DPP4: variants seen among roughly 807,000 people sequenced by gnomAD.
DPP4 encodes the protein dipeptidyl peptidase 4.
Under a neutral mutation model 122.4 loss-of-function variants are expected in DPP4, and 93 were observed. The ratio of observed to expected loss-of-function variants is 0.76; its 90% CI spans 0.64 to 0.90. The LOEUF is 0.90. Ranked by LOEUF, DPP4 falls within the 40% of genes least tolerant of loss-of-function variation. The probability of loss-of-function intolerance (pLI) is 0.00; values close to 1 mark genes in which losing one functional copy is unlikely to be tolerated. For synonymous variants in DPP4, 321 were observed against 302.9 expected (o/e 1.06, Z -0.62); for missense variants, 914 against 907.3 (o/e 1.01, Z -0.09).
In DPP4 at chr2:162,045,565, C is replaced by A. The variant is rs767978197; in HGVS notation, c.333G>T (p.Gly111=). 6.2e-6 allele frequency: 10 copies of A among 1,612,426 alleles called. No homozygotes were observed. The East Asian group carries it at 1.1e-4, about 18-fold the overall frequency. ...AGTTGTATTCTAAGAGAATAAACTG[C>A]CCATCAGGAGATATTGAATAATCAT... ...SINDYSISPD[G]QFILLEYNYV... Residue 111 remains glycine, a synonymous_variant, in exon 5 of 26, where the codon GGG becomes GGT. Coordinates refer to ENST00000360534, the MANE Select transcript of DPP4 (RefSeq NM_001935.4).
At chr2:162,072,799 A>C (rs1279543259) in intron 2 of DPP4, among the ~76,000 whole-genome samples, 1 of 152,206 alleles carries the variant, frequency 6.6e-6, no homozygotes, top group African/African-American at 2.4e-5. Context: ...GACCCTTCTT[A>C]AATATTATCG....
chr2:161,995,497 G>T (rs1485360810), intron 23 of DPP4, 125 bp from the exon 24 acceptor site: 2 of 771,942 alleles, frequency 2.6e-6, no homozygotes, highest in Non-Finnish European at 2.2e-6. Context: ...ATAGCAAACC[G>T]ATATTCAAGC....
chr2:161,995,202 G>T, intron 24 of DPP4, 98 bp downstream of exon 24: 1 of 1,338,086 alleles, frequency 7.5e-7, no homozygotes, highest in Non-Finnish European at 1.1e-6. Flanking sequence ...TTTTATTGAA[G>T]TAAATGTAAC....
chr2:162,033,909 C>T (rs1683669850), intron 9 of DPP4, among the ~76,000 whole-genome samples: 1 of 130,364 alleles, frequency 7.7e-6, no homozygotes, highest in Non-Finnish European at 1.6e-5. Flanking sequence ...CTATATAAAA[C>T]TTGAAGGTCC....
chr2:162,009,455 A>T (rs1701364219), intron 20 of DPP4, among the ~76,000 whole-genome samples, 160 bp from the exon 21 acceptor site: 1 of 151,880 alleles, frequency 6.6e-6, no homozygotes, highest in East Asian at 1.9e-4. Context: ...ATAAATATCT[A>T]TCATTTTAAC....
chr2:162,068,597 G>T (rs867826673), intron 2 of DPP4, among the ~76,000 whole-genome samples: 1 of 152,154 alleles, frequency 6.6e-6, no homozygotes, highest in African/African-American at 2.4e-5. Flanking sequence ...CACTTCTGAG[G>T]CTAGGTCATA....
intron 2 of DPP4, among the ~76,000 whole-genome samples, chr2:162,057,864 C>A (rs569851731): frequency 6.6e-6 from 1 of 152,182 alleles, no homozygotes; most frequent in African/African-American, 2.4e-5. Context: ...CCACTGCCTT[C>A]CAGGTTCAAG....
At chr2:162,023,609 T>A (rs1683214960) in intron 11 of DPP4, among the ~76,000 whole-genome samples, 2 of 152,160 alleles carry the variant, frequency 1.3e-5, no homozygotes, top group Non-Finnish European at 2.9e-5. Flanking sequence ...ACTCTATAGC[T>A]CTCCCACATC....
At chr2:162,065,607 AG>A (rs1427289249) in intron 2 of DPP4, among the ~76,000 whole-genome samples, 1 of 152,214 alleles carries the variant, frequency 6.6e-6, no homozygotes, top group Non-Finnish European at 1.5e-5. Context: ...ATACAGCATC[AG>A]GGGGCTGTAA....
In DPP4 at chr2:162,074,181, C is replaced by G. The variant is rs963320815; in HGVS notation, c.-200G>C. ...CGCCGCGGGCAGGCTGCAGGGCAGG[C>G]GGCGCGGGAGCAGGCGCGCGTGGCG... is the stretch of plus-strand genomic sequence containing the variant. On this transcript the variant is annotated 5_prime_UTR_variant, in exon 1 of 26. Coordinates refer to ENST00000360534, the MANE Select transcript of DPP4 (RefSeq NM_001935.4). 8.0e-6 allele frequency: 10 copies of G among 1,250,984 alleles called. No homozygotes were observed. Among genetic ancestry groups the G allele is most frequent in the Non-Finnish European group, 1.0e-5 (10 of 999,202 alleles). 77.5% of individuals were successfully genotyped at this position (1,250,984 alleles called of 1,614,324 possible).
intron 12 of DPP4, 148 bp from the exon 13 acceptor site, chr2:162,020,836 A>AAAT: frequency 1.9e-6 from 1 of 538,640 alleles, no homozygotes; most frequent in South Asian, 3.6e-5. Context: ...CTCAAAAAGA[A>AAAT]AATTATCTTT....
rs1404555755 is a variant in DPP4 at position 162,020,293 on chromosome 2, A to C, written c.1180T>G (p.Cys394Gly). The C allele has an allele frequency of 6.5e-7, 1 of 1,533,190 alleles. No homozygotes were observed. Among genetic ancestry groups the C allele is most frequent in the African/African-American group, 1.5e-5 (1 of 67,848 alleles). 95.0% of individuals were successfully genotyped at this position (1,533,190 alleles called of 1,614,324 possible). Residue 394 changes from cysteine to glycine, a missense_variant, in exon 14 of 26, where the codon TGC becomes GGC. By Grantham distance (159) the Cys-to-Gly change is radical. Coordinates refer to ENST00000360534, the MANE Select transcript of DPP4 (RefSeq NM_001935.4). ...CAGGTGCCTTTTGTAATAAATGTGC[A>C]GTCCTGATGGTTTTTTTTTTTTTTC... ...ICYFQIDKKD[C>G]TFITKGTWEV...
chr2:162,035,410 GTAAT>G, intron 8 of DPP4, 86 bp from the exon 9 acceptor site: 1 of 1,265,550 alleles, frequency 7.9e-7, no homozygotes, highest in Non-Finnish European at 1.1e-6. Flanking sequence ...ATTAGCTTTA[GTAAT>G]TACAGTAGAG....
Position 161,993,049 on chromosome 2 carries a change from T to C in DPP4, c.*234A>G. 2.5e-6 allele frequency: 1 copy of C among 392,662 alleles called. No individual in the cohort carries two copies. The highest frequency in any genetic ancestry group is 4.1e-5 in the East Asian group (1 of 24,610). 24.3% of individuals were successfully genotyped at this position (392,662 alleles called of 1,614,324 possible). A position where few individuals can be genotyped will look rare whatever the true frequency, so the allele number is the denominator to read the frequency against. On this transcript the variant is annotated 3_prime_UTR_variant, in exon 26 of 26. Transcript: ENST00000360534. ...TCAGCAGCTGATGCAGAAATGATTTTAAACAATAAAACCCGACCGGATAAT... is the reference window on the plus strand; with the variant it reads ...TCAGCAGCTGATGCAGAAATGATTTCAAACAATAAAACCCGACCGGATAAT...
At position 162,029,525 on chromosome 2, in the gene DPP4, G is replaced by A. The variant is rs73971535; in HGVS notation, c.887+4016C>T. Among the ~76,000 whole-genome samples the A allele has an allele frequency of 6.6e-5, 10 of 152,314 alleles. No homozygotes were observed. The South Asian group carries it at 1.2e-3, about 19-fold the overall frequency. On this transcript the variant is annotated intron_variant, in intron 10 of 25. Coordinates refer to ENST00000360534, the MANE Select transcript of DPP4 (RefSeq NM_001935.4). ...TGAGGGCTGCAGCACCCGTACACCCGCACAGTCGTAGCATGCAGGTCCTAA... is the reference window on the plus strand; with the variant it reads ...TGAGGGCTGCAGCACCCGTACACCCACACAGTCGTAGCATGCAGGTCCTAA...
chr2:161,999,694 G>T (rs1260396657), intron 23 of DPP4, among the ~76,000 whole-genome samples: 1 of 152,114 alleles, frequency 6.6e-6, no homozygotes, highest in African/African-American at 2.4e-5. Flanking sequence ...TTGTATTTTT[G>T]AATTAAAAGA....
chr2:162,071,260 A>C (rs1357629137), intron 2 of DPP4, among the ~76,000 whole-genome samples: 1 of 152,172 alleles, frequency 6.6e-6, no homozygotes, highest in South Asian at 2.1e-4. Context: ...CTCTGTGTTG[A>C]AACACAGGGC....
chr2:162,069,294 T>G (rs1019159110), intron 2 of DPP4, among the ~76,000 whole-genome samples: 2 of 152,302 alleles, frequency 1.3e-5, no homozygotes, highest in African/African-American at 4.8e-5. Context: ...TGGCTATTAT[T>G]GTAGCTTGCA....
intron 23 of DPP4, among the ~76,000 whole-genome samples, chr2:161,997,689 G>C (rs944018329): frequency 6.6e-6 from 1 of 152,140 alleles, no homozygotes; most frequent in Non-Finnish European, 1.5e-5. Flanking sequence ...CATTTACTCT[G>C]TGCCTGTCGC....
Sources: gnomAD v4.1 joint callset for allele counts (sites outside exome capture counted in the v4.1 genomes callset) on GRCh38, gnomAD v4.1.1 for gene constraint, MANE v1.5 for transcripts, NCBI Gene and HGNC (gene_info 2026-07-23, HGNC 2026-07-21) for gene names.